ELP1: variants seen among roughly 807,000 people sequenced by gnomAD.
The protein encoded by ELP1 is elongator complex protein 1.
ELP1 carries 131 observed loss-of-function variants against 183.2 expected under a neutral mutation model. The ratio of observed to expected loss-of-function variants is 0.72; its 90% CI spans 0.62 to 0.83. The LOEUF (loss-of-function observed/expected upper bound fraction) is 0.83, where lower values mean the gene tolerates loss of function less well. Ranked by LOEUF, ELP1 falls within the 40% of genes least tolerant of loss-of-function variation. The pLI is 0.00. For missense variants in ELP1, 1,550 were observed against 1,594.9 expected (o/e 0.97, Z 0.48); for synonymous variants, 555 against 569.0 (o/e 0.98, Z 0.35).
rs756928248 is a variant in ELP1 at position 108,878,120 on chromosome 9, A to C, written c.3730T>G (p.Phe1244Val). ...CCTTGTTCATCAAACTCAAAGAGAA[A>C]GAGTACCTTTAAAATATGGTATACT... Reference protein sequence around the residue: ...DEVYHILKVLFLFEFDEQGRE... With the variant: ...DEVYHILKVLVLFEFDEQGRE... Residue 1244 changes from phenylalanine (F) to valine (V), a missense_variant, in exon 35 of 37, where the codon TTT becomes GTT. Coordinates refer to ENST00000374647, the MANE Select transcript of ELP1 (RefSeq NM_003640.5). 10 of 1,611,116 alleles carry C rather than the reference A, an allele frequency of 6.2e-6. No individual in the cohort carries two copies. The highest frequency in any genetic ancestry group is 8.5e-6 in the Non-Finnish European group (10 of 1,177,372).
chr9:108,903,637 C>G lies in ELP1; in HGVS notation c.1676G>C (p.Ser559Thr), dbSNP rs1229160499. 1.2e-6 allele frequency: 2 copies of G among 1,613,874 alleles called. No individual in the cohort carries two copies. The highest frequency in any genetic ancestry group is 1.7e-6 in the Non-Finnish European group (2 of 1,179,916). Residue 559 changes from serine (S) to threonine (T), a missense_variant, in exon 15 of 37, where the codon AGT (serine) becomes ACT (threonine). Transcript: ENST00000374647. The part of the protein sequence containing the change: ...SSAAVDGVII[S>T]LCCNSKTKSV... ...CTTGGTCTTGGAATTGCAACATAGA[C>G]TGATTATGACCCCATCCACCGCTGC...
At position 108,878,672 on chromosome 9, in the gene ELP1, G is replaced by A. The variant is rs1827792810; in HGVS notation, c.3651C>T (p.Ala1217=). Residue 1217 remains alanine, a synonymous_variant, in exon 34 of 37, where the codon GCC becomes GCT. Transcript: ENST00000374647. ...LKEGSPLEDL[A]LLEALSEVVQ... is the part of the protein sequence containing the mutation. ...CCACTTCACTCAGTGCCTCCAGGAGGGCCAGGTCCTCCAGCGGACTGCCTT... is the reference window on the plus strand; with the variant it reads ...CCACTTCACTCAGTGCCTCCAGGAGAGCCAGGTCCTCCAGCGGACTGCCTT... 12 of 1,614,180 alleles carry A rather than the reference G, an allele frequency of 7.4e-6. No individual in the cohort carries two copies. The highest frequency in any genetic ancestry group is 1.0e-5 in the Non-Finnish European group (12 of 1,180,016).
chr9:108,926,407 T>G (rs1829825167), intron 5 of ELP1, 116 bp downstream of exon 5: 2 of 812,716 alleles, frequency 2.5e-6, no homozygotes, highest in Admixed American at 4.0e-5. Flanking sequence ...ATTTAATAGC[T>G]GGGGGTTTAA....
chr9:108,890,671 CT>C lies in ELP1; in HGVS notation c.3160+531del, dbSNP rs1318362856. On this transcript the variant is annotated intron_variant, in intron 28 of 36. Transcript: ENST00000374647. ...CTTTCAGAATGCTTCGACATTTGGC[CT>C]TTTATTTTCCCCACCTCATTCCTGG... 5.9e-5 allele frequency among the ~76,000 whole-genome samples: 9 copies of C among 152,290 alleles called. No individual in the cohort carries two copies. In the East Asian group the frequency reaches 1.7e-3, roughly 29 times the overall value.
Position 108,912,374 on chromosome 9 carries a change from T to C in ELP1, c.1079A>G (p.His360Arg). 6.2e-7 allele frequency: 1 copy of C among 1,614,142 alleles called. No individual in the cohort carries two copies. Among genetic ancestry groups the C allele is most frequent in the Non-Finnish European group, 8.5e-7 (1 of 1,180,022 alleles). Residue 360 changes from histidine to arginine, a missense_variant, in exon 11 of 37, where the codon CAT becomes CGT. By Grantham distance (29) the His-to-Arg change is conservative (BLOSUM62 0). Transcript: ENST00000374647. ...GTAATGCCAGCCCTGACAGAGAACA[T>C]GCAGCCGGTATGGGGTCACAGGGTC... is the stretch of plus-strand genomic sequence containing the variant. ...MWDPVTPYRLHVLCQGWHYLA... is the reference protein window; with the variant it reads ...MWDPVTPYRLRVLCQGWHYLA...
At chr9:108,923,762 C>T (rs549935279) in intron 5 of ELP1, among the ~76,000 whole-genome samples, 30 of 152,280 alleles carry the variant, frequency 2.0e-4, no homozygotes, top group South Asian at 6.2e-4. Flanking sequence ...CTTTCTAGAT[C>T]GTAACACTTC....
intron 25 of ELP1, among the ~76,000 whole-genome samples, chr9:108,896,082 C>A (rs891820389): frequency 6.6e-6 from 1 of 152,078 alleles, no homozygotes; most frequent in Non-Finnish European, 1.5e-5. Flanking sequence ...ACAGTGAAAC[C>A]CTGTCTCTAC....
chr9:108,913,551 CGCATTATTACAACA>C lies in ELP1; in HGVS notation c.959-1071_959-1058del, dbSNP rs546533281. The stretch of plus-strand genomic sequence containing the variant: ...CAGCAAACATAACCTAGTCTCAAAC[CGCATTATTACAACA>C]CTTTGAAGTTAGACCACATGCTGAT... On this transcript the variant is annotated intron_variant, in intron 10 of 36. Coordinates refer to ENST00000374647, the MANE Select transcript of ELP1 (RefSeq NM_003640.5). Among the ~76,000 whole-genome samples the C allele has an allele frequency of 4.8e-3, 723 of 152,180 alleles. 6 individuals carry two copies. The highest frequency in any genetic ancestry group is 0.017 in the African/African-American group (688 of 41,508).
intron 1 of ELP1, among the ~76,000 whole-genome samples, 182 bp downstream of exon 1, chr9:108,933,682 C>T (rs1010273580): frequency 6.6e-6 from 1 of 152,246 alleles, no homozygotes; most frequent in African/African-American, 2.4e-5. Flanking sequence ...CGCCTCCCAG[C>T]GCCCCCGATG....
chr9:108,920,221 T>G (rs567738279), intron 6 of ELP1, among the ~76,000 whole-genome samples: 15 of 152,212 alleles, frequency 9.9e-5, no homozygotes, highest in African/African-American at 2.9e-4. Flanking sequence ...CATATAATTA[T>G]GCTTCCATTT....
intron 29 of ELP1, among the ~76,000 whole-genome samples, chr9:108,885,236 C>G (rs1466825649): frequency 6.6e-6 from 1 of 151,428 alleles, no homozygotes; most frequent in Non-Finnish European, 1.5e-5. Flanking sequence ...AACAATGAAA[C>G]AGTTCATTCT....
intron 14 of ELP1, among the ~76,000 whole-genome samples, chr9:108,904,325 A>G (rs1395189419): frequency 1.3e-5 from 2 of 150,482 alleles, no homozygotes; most frequent in Non-Finnish European, 2.9e-5. Flanking sequence ...GCTCACCGCA[A>G]TCTCAACCTC....
chr9:108,918,754 T>C, intron 8 of ELP1, 57 bp downstream of exon 8: 1 of 1,187,944 alleles, frequency 8.4e-7, no homozygotes, highest in Non-Finnish European at 1.3e-6. Context: ...TATCCATGTG[T>C]ACCACCACCT....
At chr9:108,892,102 A>G (rs917409233) in intron 27 of ELP1, among the ~76,000 whole-genome samples, 4 of 152,350 alleles carry the variant, frequency 2.6e-5, no homozygotes, top group African/African-American at 2.4e-5. Context: ...AGGAGCCCAC[A>G]GCCTGGTGGA....
chr9:108,895,703 G>A (rs1366015296), intron 25 of ELP1, among the ~76,000 whole-genome samples: 1 of 152,122 alleles, frequency 6.6e-6, no homozygotes, highest in Non-Finnish European at 1.5e-5. Flanking sequence ...TTCATTTTTG[G>A]AGAGGTCATG....
chr9:108,893,123 T>C (rs1828407096), intron 26 of ELP1, 40 bp from the exon 27 acceptor site: 3 of 1,425,534 alleles, frequency 2.1e-6, no homozygotes, highest in Admixed American at 1.7e-5. Flanking sequence ...GCTTAAGACA[T>C]GGGAAGCATA....
chr9:108,926,675 C>T (rs1458306567), intron 4 of ELP1, 72 bp from the exon 5 acceptor site: 1 of 1,075,008 alleles, frequency 9.3e-7, no homozygotes, highest in Non-Finnish European at 1.4e-6. Context: ...ACCTATGGCA[C>T]TGTAAGCTAA....
Position 108,903,672 on chromosome 9 carries a change from G to T in ELP1, c.1644-3C>A. ...CCCCATCCACCGCTGCAGATGAACT[G>T]ACAAAAAAAAGGAGAAGGGAGTGTA... On this transcript the variant is annotated splice_polypyrimidine_tract_variant and splice_region_variant and intron_variant, in intron 14 of 36. Coordinates refer to ENST00000374647, the MANE Select transcript of ELP1 (RefSeq NM_003640.5). The T allele has an allele frequency of 6.2e-7, 1 of 1,608,640 alleles. No homozygotes were observed. Among genetic ancestry groups the T allele is most frequent in the Non-Finnish European group, 8.5e-7 (1 of 1,175,708 alleles).
rs551279958 is a variant in ELP1 at position 108,900,232 on chromosome 9, A to G, written c.2130+28T>C. On this transcript the variant is annotated intron_variant, in intron 19 of 36. Transcript: ENST00000374647. ...TACTTGGCTGAATGACAATCAGACT[A>G]TCTATCTTGTCTGAAAAACCAGCTT... 1.3e-4 allele frequency: 183 copies of G among 1,454,480 alleles called. No homozygotes were observed. In the South Asian group the frequency reaches 2.0e-3, roughly 16 times the overall value. The allele number at this position is 1,454,480 out of a possible 1,614,324, so 90.1% of individuals were successfully genotyped here.
Sources: allele counts gnomAD v4.1 joint callset (sites outside exome capture counted in the v4.1 genomes callset), GRCh38; gene constraint gnomAD v4.1.1; transcripts MANE v1.5; gene names NCBI Gene and HGNC (gene_info 2026-07-23, HGNC 2026-07-21).